The following STPG2 variants were observed in gnomAD, a reference collection of about 807,000 sequenced individuals.
The protein encoded by STPG2 is sperm tail PG-rich repeat containing 2, also known as sperm-tail PG-rich repeat-containing protein 2.
STPG2 carries 56 observed loss-of-function variants against 54.2 expected under a neutral mutation model. The ratio of observed to expected loss-of-function variants is 1.03; its 90% CI spans 0.83 to 1.29. The LOEUF is 1.29. Ranked by LOEUF, STPG2 falls within the 50% of genes most tolerant of loss-of-function variation. STPG2 has a pLI of 0.00. For synonymous variants in STPG2, 200 were observed against 181.8 expected, an observed-to-expected ratio of 1.10 and a Z score of -0.81; for missense variants, 596 against 544.9, an observed-to-expected ratio of 1.09 and a Z score of -0.93.
chr4:97,534,373 C>T (rs1476613505), intron 4 of STPG2, among the ~76,000 whole-genome samples: 1 of 152,060 alleles, frequency 6.6e-6, no homozygotes, highest in East Asian at 1.9e-4. Flanking sequence ...TACACATCTT[C>T]TCCTATGTCT....
chr4:97,559,550 T>A (rs1041758208), intron 10 of STPG2, among the ~76,000 whole-genome samples: 1 of 152,220 alleles, frequency 6.6e-6, no homozygotes, highest in Admixed American at 6.5e-5. Flanking sequence ...TTGTTCTTTA[T>A]TTTTCCTCTG....
chr4:98,081,666 TG>T (rs765684198), intron 5 of STPG2, among the ~76,000 whole-genome samples: 28 of 152,204 alleles, frequency 1.8e-4, no homozygotes, highest in Non-Finnish European at 4.4e-5. Context: ...CTTGTGTTCA[TG>T]GGTCATGGCT....
chr4:97,589,356 T>C (rs1733079496), intron 10 of STPG2, among the ~76,000 whole-genome samples: 1 of 152,120 alleles, frequency 6.6e-6, no homozygotes, highest in South Asian at 2.1e-4. Context: ...CTACTTTTAT[T>C]AACATCTTTG....
chr4:97,613,665 T>A (rs940169626), intron 10 of STPG2, among the ~76,000 whole-genome samples: 4 of 152,070 alleles, frequency 2.6e-5, no homozygotes, highest in African/African-American at 9.7e-5. Flanking sequence ...CATTAATTTG[T>A]GTCAGTCTGA....
intron 8 of STPG2, among the ~76,000 whole-genome samples, chr4:97,893,838 G>A (rs1158185836): frequency 2.0e-5 from 3 of 151,968 alleles, no homozygotes; most frequent in African/African-American, 7.2e-5. Flanking sequence ...GAGACAGGTG[G>A]CAATCTCTAG....
intron 5 of STPG2, among the ~76,000 whole-genome samples, chr4:98,064,759 GA>G (rs1485614565): frequency 1.3e-5 from 2 of 152,128 alleles, no homozygotes; most frequent in Non-Finnish European, 2.9e-5. Flanking sequence ...CTTAATGTTA[GA>G]AAATTTCTCA....
chr4:97,644,189 A>C (rs1340089587), intron 10 of STPG2, among the ~76,000 whole-genome samples: 1 of 151,928 alleles, frequency 6.6e-6, no homozygotes, highest in Non-Finnish European at 1.5e-5. Context: ...GGGCATGCTT[A>C]TATATTATTT....
chr4:97,471,603 G>A (rs1729930797), intron 4 of STPG2, among the ~76,000 whole-genome samples: 1 of 152,014 alleles, frequency 6.6e-6, no homozygotes, highest in Non-Finnish European at 1.5e-5. Context: ...ACCATCTTAG[G>A]GGAGGAACTA....
chr4:97,671,615 A>T (rs1281893172), intron 10 of STPG2, among the ~76,000 whole-genome samples: 1 of 152,244 alleles, frequency 6.6e-6, no homozygotes, highest in African/African-American at 2.4e-5. Context: ...ACATGCAGAC[A>T]TCAATCATTC....
chr4:97,980,252 G>T (rs1355754346), intron 6 of STPG2, among the ~76,000 whole-genome samples: 1 of 152,034 alleles, frequency 6.6e-6, no homozygotes, highest in African/African-American at 2.4e-5. Context: ...GAAACTTTTG[G>T]GTCCTTGAGA....
chr4:97,923,445 C>T lies in STPG2; in HGVS notation c.1044+20452G>A, dbSNP rs1732204141. Among the ~76,000 whole-genome samples the T allele has an allele frequency of 2.0e-5, 3 of 152,254 alleles. No homozygotes were observed. The South Asian group carries it at 6.2e-4, about 31-fold the overall frequency. ...GACTGGCAGGCAGCTCCACCTGTGG[C>T]CCCAGTGCTGGATCCACTGGATGAA... On this transcript the variant is annotated intron_variant, in intron 8 of 10. Transcript: ENST00000295268.
At chr4:97,952,971 G>C (rs1733529702) in intron 7 of STPG2, among the ~76,000 whole-genome samples, 1 of 152,190 alleles carries the variant, frequency 6.6e-6, no homozygotes, top group Admixed American at 6.5e-5. Flanking sequence ...TGTGGTAGTA[G>C]TGGTGGGATT....
chr4:97,779,094 T>C (rs1726499691), intron 9 of STPG2, among the ~76,000 whole-genome samples: 2 of 152,170 alleles, frequency 1.3e-5, no homozygotes, highest in Admixed American at 6.5e-5. Context: ...ATGGTTTTGA[T>C]GAGTTGAGAG....
intron 9 of STPG2, among the ~76,000 whole-genome samples, chr4:97,764,654 G>C (rs1725986297): frequency 1.3e-5 from 2 of 152,058 alleles, no homozygotes; most frequent in East Asian, 1.9e-4. Flanking sequence ...GAAGAGGGTG[G>C]AGTAATTAAA....
At chr4:98,037,201 A>G (rs1339840900) in intron 5 of STPG2, among the ~76,000 whole-genome samples, 1 of 152,080 alleles carries the variant, frequency 6.6e-6, no homozygotes, top group East Asian at 1.9e-4. Context: ...CCAAAACCAA[A>G]AATGGAGAAC....
At chr4:97,892,813 CA>C (rs1225099195) in intron 8 of STPG2, among the ~76,000 whole-genome samples, 1 of 152,056 alleles carries the variant, frequency 6.6e-6, no homozygotes, top group African/African-American at 2.4e-5. Context: ...AAGGCACTAG[CA>C]GCTGTCACCT....
chr4:97,864,104 C>T (rs909360606), intron 8 of STPG2, among the ~76,000 whole-genome samples: 2 of 152,036 alleles, frequency 1.3e-5, no homozygotes, highest in Non-Finnish European at 2.9e-5. Context: ...CCAGGGCAAT[C>T]AGGCAGGAGA....
chr4:98,007,770 GA>G (rs35876488), intron 5 of STPG2, among the ~76,000 whole-genome samples: 59,464 of 149,474 alleles, frequency 0.4, 11,923 homozygotes, highest in Middle Eastern at 0.47. Context: ...ATCCTTTAAG[GA>G]AAAAAAAATA....
chr4:97,907,935 G>T (rs1442116029), intron 8 of STPG2, among the ~76,000 whole-genome samples: 4 of 152,136 alleles, frequency 2.6e-5, no homozygotes, highest in African/African-American at 7.2e-5. Context: ...ACCTAGGCCT[G>T]ACCATTCAGG....
Sources: allele counts gnomAD v4.1 joint callset (sites outside exome capture counted in the v4.1 genomes callset), GRCh38; gene constraint gnomAD v4.1.1; transcripts MANE v1.5; gene names NCBI Gene and HGNC (gene_info 2026-07-23, HGNC 2026-07-21).